PTPRM: variants seen among roughly 807,000 people sequenced by gnomAD.
PTPRM encodes the protein receptor-type tyrosine-protein phosphatase mu.
A neutral mutation model predicts 186.7 loss-of-function variants in PTPRM; 47 were observed. That is an observed-to-expected ratio of 0.25 (90% confidence interval 0.20 to 0.32). PTPRM has a LOEUF of 0.32. Among genes scored for constraint, PTPRM ranks in the 10% least tolerant of loss-of-function variants. PTPRM has a pLI of 1.00. For missense variants in PTPRM, 1,494 were observed against 1,865.0 expected (o/e 0.80, Z 3.66); for synonymous variants, 668 against 674.9 (o/e 0.99, Z 0.16).
intron 2 of PTPRM, among the ~76,000 whole-genome samples, chr18:7,809,223 A>G (rs897211105): frequency 2.6e-5 from 4 of 152,116 alleles, no homozygotes; most frequent in African/African-American, 9.7e-5. Context: ...GCGGCAGGCA[A>G]GAGAGTGAAG....
chr18:7,595,436 T>G (rs1394793647), intron 1 of PTPRM, among the ~76,000 whole-genome samples: 1 of 152,178 alleles, frequency 6.6e-6, no homozygotes, highest in Non-Finnish European at 1.5e-5. Flanking sequence ...ATTAGCTATG[T>G]AAGTGTTGGG....
chr18:8,076,583 A>G lies in PTPRM; in HGVS notation c.1551+19A>G. On this transcript the variant is annotated intron_variant, in intron 9 of 32. Coordinates refer to ENST00000580170, the MANE Select transcript of PTPRM (RefSeq NM_001105244.2). The stretch of plus-strand genomic sequence containing the variant: ...ATATGAGGTAATATATATGTTTGTT[A>G]GTAATTTTTAATTAGAAATACTCAT... 1.5e-6 allele frequency: 2 copies of G among 1,294,848 alleles called. No homozygotes were observed. The highest frequency in any genetic ancestry group is 2.2e-6 in the Non-Finnish European group (2 of 903,916). 80.2% of individuals were successfully genotyped at this position (1,294,848 alleles called of 1,614,324 possible).
At chr18:7,995,097 C>T (rs10164212) in intron 7 of PTPRM, among the ~76,000 whole-genome samples, 51,143 of 151,498 alleles carry the variant, frequency 0.34, 9,517 homozygotes, top group Non-Finnish European at 0.43. Context: ...ACAGAAAAGA[C>T]CCAAAAAAAA....
intron 2 of PTPRM, among the ~76,000 whole-genome samples, chr18:7,792,746 C>G (rs1047719639): frequency 1.3e-5 from 2 of 152,062 alleles, no homozygotes; most frequent in African/African-American, 2.4e-5. Flanking sequence ...CTTACTGCAG[C>G]CTTCACCTCC....
At chr18:7,955,033 T>C (rs1195890758) in intron 6 of PTPRM, 88 bp from the exon 7 acceptor site, 2 of 1,324,816 alleles carry the variant, frequency 1.5e-6, no homozygotes, top group Non-Finnish European at 2.0e-6. Flanking sequence ...TTTTATTATC[T>C]TCTACATTTT....
At chr18:7,633,890 A>G (rs947442399) in intron 1 of PTPRM, among the ~76,000 whole-genome samples, 3 of 151,988 alleles carry the variant, frequency 2.0e-5, no homozygotes, top group African/African-American at 7.3e-5. Context: ...TGCTGGCGTG[A>G]TTCTTCCCTA....
intron 14 of PTPRM, among the ~76,000 whole-genome samples, chr18:8,150,798 C>G (rs565297686): frequency 6.6e-6 from 1 of 152,172 alleles, no homozygotes; most frequent in Non-Finnish European, 1.5e-5. Flanking sequence ...TACCTTTGGT[C>G]TTTGATGTTG....
chr18:8,119,427 C>T (rs953684677), intron 13 of PTPRM, among the ~76,000 whole-genome samples: 9 of 152,210 alleles, frequency 5.9e-5, no homozygotes, highest in African/African-American at 1.4e-4. Context: ...ATTAAGATTC[C>T]GTTTAATTTC....
intron 19 of PTPRM, among the ~76,000 whole-genome samples, chr18:8,267,117 T>A (rs1009744249): frequency 1.3e-5 from 2 of 152,166 alleles, no homozygotes. Context: ...TTATATGTAT[T>A]GTATTTATGT....
chr18:8,072,284 A>C (rs1244599816), intron 8 of PTPRM, among the ~76,000 whole-genome samples: 1 of 152,212 alleles, frequency 6.6e-6, no homozygotes, highest in African/African-American at 2.4e-5. Flanking sequence ...ATATTGCTAA[A>C]GCATGAACCT....
At chr18:8,085,964 C>G (rs556689526) in intron 10 of PTPRM, 92 bp downstream of exon 10, 1 of 1,229,538 alleles carries the variant, frequency 8.1e-7, no homozygotes, top group African/African-American at 1.5e-5. Flanking sequence ...CTCGCCCACA[C>G]TAACATTGTA....
rs1350848979 is a variant in PTPRM at position 7,575,153 on chromosome 18, T to C, written c.73+7262T>C. On this transcript the variant is annotated intron_variant, in intron 1 of 32. Coordinates refer to ENST00000580170, the MANE Select transcript of PTPRM (RefSeq NM_001105244.2). The stretch of plus-strand genomic sequence containing the variant: ...CTCAAAGACAACCATTGCATCTCTG[T>C]CATTTAACACTCCAGGTAAATAAAA... Among the ~76,000 whole-genome samples the C allele has an allele frequency of 3.3e-5, 5 of 152,236 alleles. 1 individual carries two copies. Among genetic ancestry groups the C allele is most frequent in the African/African-American group, 9.6e-5 (4 of 41,466 alleles).
intron 2 of PTPRM, among the ~76,000 whole-genome samples, chr18:7,774,594 T>G (rs2042492332): frequency 6.6e-6 from 1 of 152,216 alleles, no homozygotes; most frequent in Non-Finnish European, 1.5e-5. Flanking sequence ...GTCTAAGTGT[T>G]AGAACTCCAG....
chr18:7,637,481 T>C (rs183494944), intron 1 of PTPRM, among the ~76,000 whole-genome samples: 31 of 152,318 alleles, frequency 2.0e-4, no homozygotes, highest in South Asian at 1.0e-3. Flanking sequence ...TCTTACCCAC[T>C]AGCATTGGGG....
chr18:7,625,232 AGG>A (rs1164310506), intron 1 of PTPRM, among the ~76,000 whole-genome samples: 1 of 152,228 alleles, frequency 6.6e-6, no homozygotes, highest in African/African-American at 2.4e-5. Context: ...GTTTCTTGAT[AGG>A]AAAGTAGTTA....
intron 1 of PTPRM, among the ~76,000 whole-genome samples, chr18:7,634,803 T>A (rs1052989024): frequency 1.3e-5 from 2 of 152,220 alleles, no homozygotes; most frequent in African/African-American, 4.8e-5. Flanking sequence ...CTTAAGTTCA[T>A]ATTTCAAATG....
intron 1 of PTPRM, among the ~76,000 whole-genome samples, chr18:7,651,990 C>T (rs11932851): frequency 5.3e-5 from 8 of 152,136 alleles, no homozygotes; most frequent in Admixed American, 2.0e-4. Context: ...AGAAAATTTT[C>T]GCAACCTACT....
At chr18:8,182,258 G>C (rs1423471995) in intron 14 of PTPRM, among the ~76,000 whole-genome samples, 1 of 151,960 alleles carries the variant, frequency 6.6e-6, no homozygotes, top group Non-Finnish European at 1.5e-5. Context: ...GTGCAGGTTT[G>C]TTACTTGGGT....
intron 24 of PTPRM, among the ~76,000 whole-genome samples, chr18:8,374,459 AT>A (rs1314079880): frequency 1.3e-5 from 2 of 152,180 alleles, no homozygotes; most frequent in African/African-American, 4.8e-5. Context: ...GATCACTCCT[AT>A]GTGGGTCATC....
Sources: gnomAD v4.1 joint callset for allele counts (sites outside exome capture counted in the v4.1 genomes callset) on GRCh38, gnomAD v4.1.1 for gene constraint, MANE v1.5 for transcripts, NCBI Gene and HGNC (gene_info 2026-07-23, HGNC 2026-07-21) for gene names.